CCDC141: variants seen among roughly 807,000 people sequenced by gnomAD.
CCDC141 encodes coiled-coil domain containing 141.
A neutral mutation model predicts 181.0 loss-of-function variants in CCDC141; 168 were observed. The ratio of observed to expected loss-of-function variants is 0.93; its 90% confidence interval spans 0.82 to 1.05. The LOEUF is 1.05. CCDC141 is among the 50% of genes least tolerant of loss of function. The probability of loss-of-function intolerance (pLI) is 0.00; values close to 1 mark genes in which losing one functional copy is unlikely to be tolerated. For synonymous variants in CCDC141, 666 were observed against 642.3 expected, an observed-to-expected ratio of 1.04 and a Z score of -0.56; for missense variants, 1,902 against 1,788.5, an observed-to-expected ratio of 1.06 and a Z score of -1.14.
chr2:179,011,307 G>C (rs2042264119), intron 2 of CCDC141, among the ~76,000 whole-genome samples: 1 of 152,120 alleles, frequency 6.6e-6, no homozygotes, highest in African/African-American at 2.4e-5. Context: ...CACCAAAAAT[G>C]AGCAGGGTTA....
chr2:178,969,362 G>A (rs572927947), intron 4 of CCDC141, among the ~76,000 whole-genome samples: 26 of 152,122 alleles, frequency 1.7e-4, no homozygotes, highest in African/African-American at 4.6e-4. Flanking sequence ...GAACATCGAC[G>A]CAAAAATCCT....
At chr2:178,989,597 AAAAAAAAAAAATAAAT>A (rs1260530201) in intron 2 of CCDC141, among the ~76,000 whole-genome samples, 2,369 of 41,454 alleles carry the variant, frequency 0.057, 83 homozygotes, top group African/African-American at 0.13. Flanking sequence ...CTGCCTCAAA[AAAAAAAAAAAATAAAT>A]AAATAAATAA....
chr2:179,017,596 A>G (rs1179501804), intron 2 of CCDC141, among the ~76,000 whole-genome samples: 1 of 152,144 alleles, frequency 6.6e-6, no homozygotes, highest in African/African-American at 2.4e-5. Context: ...AAAGAAAATT[A>G]GACACTGTCT....
At chr2:178,939,833 G>A (rs1321140759) in intron 6 of CCDC141, among the ~76,000 whole-genome samples, 1 of 151,986 alleles carries the variant, frequency 6.6e-6, no homozygotes. Flanking sequence ...TGCACTTAGG[G>A]GTATCTCCCC....
chr2:178,851,688 A>G (rs1685171615), intron 20 of CCDC141, among the ~76,000 whole-genome samples: 1 of 152,202 alleles, frequency 6.6e-6, no homozygotes. Flanking sequence ...AGTCAGTGGT[A>G]TTTTGTTACG....
At chr2:178,981,671 C>T (rs10185582) in intron 2 of CCDC141, among the ~76,000 whole-genome samples, 1,938 of 109,226 alleles carry the variant, frequency 0.018, 17 homozygotes, top group African/African-American at 0.037. Flanking sequence ...TACATATATA[C>T]ATATATATAT....
At chr2:178,940,812 T>A (rs972568733) in intron 6 of CCDC141, among the ~76,000 whole-genome samples, 1 of 152,206 alleles carries the variant, frequency 6.6e-6, no homozygotes, top group African/African-American at 2.4e-5. Context: ...ATACTGCTAC[T>A]TCCCCCGCCC....
chr2:178,861,358 G>A (rs372845127), intron 17 of CCDC141, among the ~76,000 whole-genome samples: 4 of 151,964 alleles, frequency 2.6e-5, no homozygotes, highest in African/African-American at 7.3e-5. Context: ...TTGTAGGGCC[G>A]GGCACAGTGG....
chr2:179,019,170 G>A (rs1352662322), intron 2 of CCDC141, among the ~76,000 whole-genome samples: 1 of 152,102 alleles, frequency 6.6e-6, no homozygotes, highest in Non-Finnish European at 1.5e-5. Flanking sequence ...GGAGACGAAA[G>A]TCTTTTTGGT....
At chr2:178,849,408 C>T (rs751520238) in intron 21 of CCDC141, among the ~76,000 whole-genome samples, 2 of 152,202 alleles carry the variant, frequency 1.3e-5, no homozygotes, top group South Asian at 4.1e-4. Flanking sequence ...ATCTTAATGA[C>T]CTTGCTGTTC....
At chr2:178,835,827 G>C (rs763541003) in intron 23 of CCDC141, 2 of 152,470 alleles carry the variant, frequency 1.3e-5, no homozygotes, top group Non-Finnish European at 2.9e-5. Flanking sequence ...TGACACTCTT[G>C]ATTTGTAAAA....
chr2:178,826,909 C>T (rs145544239), downstream of CCDC141, among the ~76,000 whole-genome samples: 594 of 152,052 alleles, frequency 3.9e-3, 3 homozygotes, highest in African/African-American at 0.014. Context: ...TTGCTATAGG[C>T]TTAAACCACT....
intron 2 of CCDC141, among the ~76,000 whole-genome samples, chr2:178,993,905 A>G (rs189701886): frequency 2.6e-5 from 4 of 152,316 alleles, no homozygotes; most frequent in South Asian, 4.2e-4. Context: ...TAAAGCTTCA[A>G]AATGATCTTT....
chr2:178,898,475 T>C (rs1687520358), intron 8 of CCDC141, among the ~76,000 whole-genome samples: 1 of 152,234 alleles, frequency 6.6e-6, no homozygotes, highest in Admixed American at 6.5e-5. Flanking sequence ...TACATACACT[T>C]GTAAGCATCA....
intron 2 of CCDC141, among the ~76,000 whole-genome samples, chr2:178,997,234 C>G (rs1174765752): frequency 6.6e-6 from 1 of 152,174 alleles, no homozygotes; most frequent in Non-Finnish European, 1.5e-5. Context: ...AGTGGTCCAG[C>G]TTTCTGTTTG....
chr2:179,009,468 G>A (rs1359691522), intron 2 of CCDC141, among the ~76,000 whole-genome samples: 1 of 152,014 alleles, frequency 6.6e-6, no homozygotes, highest in African/African-American at 2.4e-5. Context: ...CTTTTCCTAT[G>A]TATTCTTCCC....
At chr2:178,877,880 T>C (rs767905626) in intron 12 of CCDC141, 84 bp downstream of exon 12, 9 of 1,325,420 alleles carry the variant, frequency 6.8e-6, no homozygotes, top group South Asian at 2.4e-5. Context: ...TGCTGATTAA[T>C]AGACAGCTGA....
At chr2:178,860,797 AC>A (rs1459732292) in intron 17 of CCDC141, among the ~76,000 whole-genome samples, 1 of 151,978 alleles carries the variant, frequency 6.6e-6, no homozygotes, top group Non-Finnish European at 1.5e-5. Flanking sequence ...GGAAGACGTG[AC>A]AATTGCTCTG....
At chr2:178,953,153 T>G (rs1575260261) in intron 5 of CCDC141, among the ~76,000 whole-genome samples, 1 of 152,276 alleles carries the variant, frequency 6.6e-6, no homozygotes, top group East Asian at 1.9e-4. Flanking sequence ...ATGTTCACAT[T>G]CGGCTGGGCG....
Sources: allele counts gnomAD v4.1 joint callset (sites outside exome capture counted in the v4.1 genomes callset), GRCh38; gene constraint gnomAD v4.1.1; transcripts MANE v1.5; gene names NCBI Gene and HGNC (gene_info 2026-07-23, HGNC 2026-07-21).